The following CTNNA3 variants were observed in gnomAD, a reference collection of about 807,000 sequenced individuals.
CTNNA3 encodes the protein catenin alpha-3.
Under a neutral mutation model 95.7 loss-of-function variants are expected in CTNNA3, and 76 were observed. The ratio of observed to expected loss-of-function variants is 0.79; its 90% CI spans 0.66 to 0.96. The LOEUF (loss-of-function observed/expected upper bound fraction) is 0.96. Ranked by LOEUF, CTNNA3 falls within the 40% of genes least tolerant of loss-of-function variation. CTNNA3 has a pLI of 0.00. For synonymous variants in CTNNA3, 431 were observed against 374.4 expected (o/e 1.15, Z -1.74); for missense variants, 1,191 against 1,089.8 (o/e 1.09, Z -1.31).
At chr10:67,206,399 G>A (rs558277029) in intron 6 of CTNNA3, among the ~76,000 whole-genome samples, 18 of 152,084 alleles carry the variant, frequency 1.2e-4, no homozygotes, top group South Asian at 4.1e-4. Flanking sequence ...AGGGTATCCT[G>A]GGTTGGCAGG....
At chr10:66,068,908 C>T (rs932123041) in intron 15 of CTNNA3, among the ~76,000 whole-genome samples, 1 of 152,150 alleles carries the variant, frequency 6.6e-6, no homozygotes, top group African/African-American at 2.4e-5. Context: ...AAAGATACCA[C>T]TATCCTGATT....
At chr10:66,615,266 A>G (rs951288789) in intron 10 of CTNNA3, among the ~76,000 whole-genome samples, 1 of 152,084 alleles carries the variant, frequency 6.6e-6, no homozygotes, top group African/African-American at 2.4e-5. Flanking sequence ...TAGTGTCATA[A>G]CAAGGTTTGA....
At chr10:67,460,453 TG>T (rs991779857) in intron 5 of CTNNA3, among the ~76,000 whole-genome samples, 1 of 152,212 alleles carries the variant, frequency 6.6e-6, no homozygotes, top group Admixed American at 6.5e-5. Context: ...AGTGATTTTT[TG>T]TAGTTGACAA....
intron 3 of CTNNA3, among the ~76,000 whole-genome samples, chr10:67,554,880 C>T (rs893614930): frequency 7.9e-5 from 12 of 151,958 alleles, no homozygotes; most frequent in African/African-American, 2.4e-4. Flanking sequence ...GGGTTTTTAT[C>T]GTTTTAGGTC....
chr10:67,681,460 A>T (rs1840624610), intron 1 of CTNNA3, among the ~76,000 whole-genome samples: 2 of 152,120 alleles, frequency 1.3e-5, no homozygotes, highest in African/African-American at 4.8e-5. Flanking sequence ...AACTGAATAA[A>T]CATTTAGGAG....
chr10:66,634,086 A>C lies in CTNNA3; in HGVS notation c.1282-12302T>G, dbSNP rs148214001. ...CAATTGTGATGATCTCTGAGGAGTGAAAATCAAGGTAATTTCAACTTTCCT... is the reference window on the plus strand; with the variant it reads ...CAATTGTGATGATCTCTGAGGAGTGCAAATCAAGGTAATTTCAACTTTCCT... On this transcript the variant is annotated intron_variant, in intron 9 of 17. Coordinates refer to ENST00000433211, the MANE Select transcript of CTNNA3 (RefSeq NM_013266.4). Among the ~76,000 whole-genome samples, 699 of 152,264 alleles carry C rather than the reference A, an allele frequency of 4.6e-3. 5 individuals carry two copies. The highest frequency in any genetic ancestry group is 0.016 in the African/African-American group (650 of 41,570).
intron 13 of CTNNA3, among the ~76,000 whole-genome samples, chr10:66,222,611 A>C (rs1388702906): frequency 2.0e-4 from 14 of 68,904 alleles, no homozygotes; most frequent in African/African-American, 4.4e-4. Context: ...AAAGAAAGAA[A>C]GAAAGAAAGA....
At chr10:66,105,251 G>A (rs2081843112) in intron 13 of CTNNA3, among the ~76,000 whole-genome samples, 1 of 152,090 alleles carries the variant, frequency 6.6e-6, no homozygotes, top group African/African-American at 2.4e-5. Context: ...AGTTCATTAC[G>A]ATGTAATTTC....
intron 5 of CTNNA3, among the ~76,000 whole-genome samples, chr10:67,431,951 A>G (rs1279847379): frequency 2.0e-5 from 3 of 151,968 alleles, no homozygotes; most frequent in Non-Finnish European, 4.4e-5. Flanking sequence ...TCTTAATTAG[A>G]AACCTGGGAA....
chr10:66,969,760 G>T (rs1347417418), intron 7 of CTNNA3, among the ~76,000 whole-genome samples: 2 of 152,008 alleles, frequency 1.3e-5, no homozygotes, highest in Non-Finnish European at 2.9e-5. Context: ...TTAACTATTT[G>T]TACTTCTTTT....
At chr10:67,327,253 A>G (rs1379200692) in intron 5 of CTNNA3, among the ~76,000 whole-genome samples, 1 of 152,016 alleles carries the variant, frequency 6.6e-6, no homozygotes, top group East Asian at 1.9e-4. Context: ...CCAGTTCAGA[A>G]CCCTTGCTGG....
chr10:66,995,531 T>A (rs1402304271), intron 7 of CTNNA3, among the ~76,000 whole-genome samples: 1 of 152,190 alleles, frequency 6.6e-6, no homozygotes, highest in Non-Finnish European at 1.5e-5. Flanking sequence ...TACCTACCTG[T>A]TTAATACCTT....
intron 14 of CTNNA3, among the ~76,000 whole-genome samples, chr10:66,091,333 A>T (rs1165635216): frequency 6.6e-6 from 1 of 151,902 alleles, no homozygotes; most frequent in African/African-American, 2.4e-5. Context: ...GAGCTACCCT[A>T]TTTATTCTGT....
rs533931269 is a variant in CTNNA3, at chr10:66,545,986, G to T, written c.1375-25213C>A. ...TTAAATATAATATATTTATCTTCTG[G>T]ATATAAACTCATTGTCAGTTAAGTA... On this transcript the variant is annotated intron_variant, in intron 10 of 17. Coordinates refer to ENST00000433211, the MANE Select transcript of CTNNA3 (RefSeq NM_013266.4). 5.3e-5 allele frequency among the ~76,000 whole-genome samples: 8 copies of T among 150,058 alleles called. No individual in the cohort carries two copies. The South Asian group carries it at 1.3e-3, about 24-fold the overall frequency.
chr10:67,381,261 C>A (rs961384650), intron 5 of CTNNA3, among the ~76,000 whole-genome samples: 5 of 152,100 alleles, frequency 3.3e-5, no homozygotes, highest in African/African-American at 7.2e-5. Context: ...AATGAAACTA[C>A]GTGTAAGGAG....
At chr10:67,259,399 A>G (rs1866499048) in intron 5 of CTNNA3, among the ~76,000 whole-genome samples, 1 of 152,208 alleles carries the variant, frequency 6.6e-6, no homozygotes, top group Admixed American at 6.5e-5. Flanking sequence ...CTGAAGTTAT[A>G]TAATGCAAAA....
At chr10:66,641,352 G>A (rs1845510721) in intron 9 of CTNNA3, among the ~76,000 whole-genome samples, 1 of 152,002 alleles carries the variant, frequency 6.6e-6, no homozygotes, top group Admixed American at 6.6e-5. Flanking sequence ...TCTAAAAATG[G>A]CCAGACTAAT....
At chr10:66,532,350 T>C (rs569261107) in intron 10 of CTNNA3, among the ~76,000 whole-genome samples, 5 of 151,882 alleles carry the variant, frequency 3.3e-5, no homozygotes, top group African/African-American at 1.2e-4. Flanking sequence ...AAGTCCCAGC[T>C]ACTGGGGAGG....
chr10:67,700,554 C>A (rs933756438), upstream of CTNNA3, among the ~76,000 whole-genome samples: 5 of 152,212 alleles, frequency 3.3e-5, no homozygotes, highest in African/African-American at 1.2e-4. Flanking sequence ...AACAGACCTG[C>A]AGCTGAGGGT....
Sources: gnomAD v4.1 joint callset for allele counts (sites outside exome capture counted in the v4.1 genomes callset) on GRCh38, gnomAD v4.1.1 for gene constraint, MANE v1.5 for transcripts, NCBI Gene and HGNC (gene_info 2026-07-23, HGNC 2026-07-21) for gene names.